NPAS3: variants seen among roughly 807,000 people sequenced by gnomAD.
The protein encoded by NPAS3 is neuronal PAS domain protein 3.
A neutral mutation model predicts 73.1 loss-of-function variants in NPAS3; 14 were observed. The observed-to-expected ratio is 0.19, with a 90% confidence interval of 0.13 to 0.30. The LOEUF (loss-of-function observed/expected upper bound fraction) is 0.30, where lower values mean the gene tolerates loss of function less well. NPAS3 is among the 10% of genes least tolerant of loss of function. The probability of loss-of-function intolerance (pLI) is 1.00; values close to 1 mark genes in which losing one functional copy is unlikely to be tolerated. For missense variants in NPAS3, 1,096 were observed against 1,250.0 expected (o/e 0.88, Z 1.86); for synonymous variants, 620 against 541.5 (o/e 1.14, Z -2.01).
At chr14:33,344,641 CATAAA>C (rs2044643088) in intron 3 of NPAS3, among the ~76,000 whole-genome samples, 3 of 152,128 alleles carry the variant, frequency 2.0e-5, no homozygotes, top group Admixed American at 2.0e-4. Flanking sequence ...ATTACTTGTT[CATAAA>C]ATAAAATACT....
At chr14:33,350,173 T>C (rs1373468546) in intron 3 of NPAS3, among the ~76,000 whole-genome samples, 1 of 152,210 alleles carries the variant, frequency 6.6e-6, no homozygotes, top group Non-Finnish European at 1.5e-5. Flanking sequence ...GTCCGTTAAG[T>C]TTGAAATTAC....
At chr14:33,399,915 T>C (rs2047379052) in intron 4 of NPAS3, among the ~76,000 whole-genome samples, 1 of 152,124 alleles carries the variant, frequency 6.6e-6, no homozygotes, top group South Asian at 2.1e-4. Context: ...GCTTTAACTC[T>C]GTACTTCGGT....
At chr14:33,244,057 C>T (rs2048297689) in intron 3 of NPAS3, among the ~76,000 whole-genome samples, 1 of 151,838 alleles carries the variant, frequency 6.6e-6, no homozygotes, top group South Asian at 2.1e-4. Context: ...TGTTTGATTT[C>T]CTATACATGT....
chr14:33,046,915 A>G (rs939598502), intron 1 of NPAS3, among the ~76,000 whole-genome samples: 2 of 152,166 alleles, frequency 1.3e-5, no homozygotes, highest in African/African-American at 4.8e-5. Flanking sequence ...CGGAGGTTGC[A>G]GTGAGCCGAG....
rs1214409985 is a variant in NPAS3 at position 33,691,108 on chromosome 14, C to T, written c.733+14723C>T. 2.0e-5 allele frequency among the ~76,000 whole-genome samples: 3 copies of T among 152,200 alleles called. No homozygotes were observed. In the East Asian group the frequency reaches 5.8e-4, roughly 29 times the overall value. Reference sequence around the variant, plus strand: ...GGTTTTGATAAGCACATTTTAAAAACATAAACAATCAGACAGTTGTCAATC... The same window carrying T: ...GGTTTTGATAAGCACATTTTAAAAATATAAACAATCAGACAGTTGTCAATC... On this transcript the variant is annotated intron_variant, in intron 6 of 11. Coordinates refer to ENST00000356141, the Ensembl canonical transcript of NPAS3.
chr14:33,692,445 C>G (rs1443408692), intron 6 of NPAS3, among the ~76,000 whole-genome samples: 1 of 152,104 alleles, frequency 6.6e-6, no homozygotes, highest in East Asian at 1.9e-4. Context: ...CTTTATATCA[C>G]TTCCCAACTG....
intron 1 of NPAS3, among the ~76,000 whole-genome samples, chr14:32,975,301 C>CGTCA (rs1555313389): frequency 2.6e-5 from 3 of 116,296 alleles, no homozygotes; most frequent in Admixed American, 9.3e-5. Context: ...TCCCTCCCTC[C>CGTCA]CTCCCTGCCT....
chr14:33,353,060 T>C (rs984282327), intron 3 of NPAS3, among the ~76,000 whole-genome samples: 1 of 152,078 alleles, frequency 6.6e-6, no homozygotes, highest in East Asian at 1.9e-4. Context: ...GGACAAAGTT[T>C]ATATAAACAT....
chr14:33,576,213 A>C (rs557962003), intron 5 of NPAS3, among the ~76,000 whole-genome samples: 9 of 152,304 alleles, frequency 5.9e-5, no homozygotes, highest in African/African-American at 2.2e-4. Context: ...TAAACTGCAC[A>C]GTTTATAGTA....
At chr14:33,141,873 T>A (rs1286987478) in intron 2 of NPAS3, among the ~76,000 whole-genome samples, 1 of 152,214 alleles carries the variant, frequency 6.6e-6, no homozygotes, top group East Asian at 1.9e-4. Flanking sequence ...AAGTATGCCA[T>A]CGCATTTCCA....
chr14:33,268,881 G>A (rs1387288224), intron 3 of NPAS3, among the ~76,000 whole-genome samples: 1 of 152,212 alleles, frequency 6.6e-6, no homozygotes, highest in East Asian at 1.9e-4. Context: ...AGAGACAGAG[G>A]AGGAAGGCAG....
intron 5 of NPAS3, among the ~76,000 whole-genome samples, chr14:33,560,794 A>G (rs1373233169): frequency 6.6e-6 from 1 of 152,188 alleles, no homozygotes; most frequent in East Asian, 1.9e-4. Context: ...AGGGGAAAAG[A>G]AAAGAAAATG....
At chr14:33,358,547 C>T (rs1455988124) in intron 3 of NPAS3, among the ~76,000 whole-genome samples, 1 of 152,156 alleles carries the variant, frequency 6.6e-6, no homozygotes, top group African/African-American at 2.4e-5. Flanking sequence ...CTCCATACTC[C>T]GGTTCTGGTT....
intron 4 of NPAS3, among the ~76,000 whole-genome samples, chr14:33,422,359 C>G (rs937038020): frequency 2.6e-5 from 4 of 151,562 alleles, no homozygotes; most frequent in African/African-American, 9.7e-5. Context: ...TAGATTTACT[C>G]CTGAAATTTA....
intron 4 of NPAS3, among the ~76,000 whole-genome samples, chr14:33,423,182 G>A (rs1046513489): frequency 2.0e-5 from 3 of 152,008 alleles, no homozygotes; most frequent in African/African-American, 7.2e-5. Flanking sequence ...AACAAGTCTA[G>A]AACTACAATT....
chr14:33,658,812 T>C (rs576040255), intron 5 of NPAS3, among the ~76,000 whole-genome samples: 1 of 152,304 alleles, frequency 6.6e-6, no homozygotes, highest in East Asian at 1.9e-4. Flanking sequence ...CCACTAATAG[T>C]GTATTAATAA....
intron 3 of NPAS3, among the ~76,000 whole-genome samples, chr14:33,360,702 G>A (rs1002906847): frequency 2.0e-5 from 3 of 152,196 alleles, no homozygotes; most frequent in African/African-American, 7.2e-5. Context: ...TGGAATGACT[G>A]TGTACTAACT....
intron 5 of NPAS3, among the ~76,000 whole-genome samples, chr14:33,619,023 C>A (rs894994812): frequency 1.3e-5 from 2 of 152,162 alleles, no homozygotes; most frequent in Non-Finnish European, 2.9e-5. Flanking sequence ...TATCTGAAAC[C>A]TTTAAGAGTA....
At chr14:33,060,849 C>A (rs1019384038) in intron 2 of NPAS3, among the ~76,000 whole-genome samples, 3 of 152,310 alleles carry the variant, frequency 2.0e-5, no homozygotes, top group Non-Finnish European at 4.4e-5. Flanking sequence ...ATTTCAGACA[C>A]CATGACAGGG....
Sources: allele counts gnomAD v4.1 joint callset (sites outside exome capture counted in the v4.1 genomes callset), GRCh38; gene constraint gnomAD v4.1.1; transcripts MANE v1.5; gene names NCBI Gene and HGNC (gene_info 2026-07-23, HGNC 2026-07-21).